TRMT44: variants seen among roughly 807,000 people sequenced by gnomAD.
The protein encoded by TRMT44 is probable tRNA (uracil-O(2)-)-methyltransferase.
A neutral mutation model predicts 77.3 loss-of-function variants in TRMT44; 78 were observed. The observed-to-expected ratio is 1.01, with a 90% CI of 0.84 to 1.22. TRMT44 has a LOEUF of 1.22. TRMT44 is among the 50% of genes most tolerant of loss of function. The probability of loss-of-function intolerance (pLI) is 0.00; values close to 1 mark genes in which losing one functional copy is unlikely to be tolerated. For missense variants in TRMT44, 1,090 were observed against 964.4 expected (o/e 1.13, Z -1.73); for synonymous variants, 391 against 383.3 (o/e 1.02, Z -0.23).
intron 9 of TRMT44, 88 bp from the exon 10 acceptor site, chr4:8,470,996 G>A: frequency 1.1e-6 from 1 of 889,160 alleles, no homozygotes; most frequent in East Asian, 2.5e-5. Flanking sequence ...TGAGTGTATG[G>A]AACTGAAATG....
chr4:8,489,055 C>T (rs1003895220), intron 2 of TRMT44, among the ~76,000 whole-genome samples: 3 of 152,344 alleles, frequency 2.0e-5, no homozygotes, highest in South Asian at 4.1e-4. Flanking sequence ...TAGCACCACC[C>T]ACAAGTAAGA....
At chr4:8,472,505 G>T (rs998195512) in intron 10 of TRMT44, among the ~76,000 whole-genome samples, 1 of 152,182 alleles carries the variant, frequency 6.6e-6, no homozygotes, top group Non-Finnish European at 1.5e-5. Flanking sequence ...TGGCTCTCTG[G>T]GTGTGTGAGA....
Position 8,440,831 on chromosome 4 carries a change from G to A in TRMT44, c.9G>A (p.Glu3=). Residue 3 remains glutamate (E), a synonymous_variant, in exon 1 of 11, where the codon GAG becomes GAA. Transcript: ENST00000389737. Reference sequence around the variant, plus strand: ...TACACCTGCTGGCTGCCATGGCTGAGGTGGGCCGTACCGGGATCAGCTACC... The same window carrying A: ...TACACCTGCTGGCTGCCATGGCTGAAGTGGGCCGTACCGGGATCAGCTACC... MA[E]VGRTGISYPG... is the part of the protein sequence containing the mutation. 3 of 1,485,556 alleles carry A rather than the reference G, an allele frequency of 2.0e-6. No homozygotes were observed. The highest frequency in any genetic ancestry group is 2.6e-5 in the South Asian group (2 of 77,496). The allele number at this position is 1,485,556 out of a possible 1,614,324, so 92.0% of individuals were successfully genotyped here.
At chr4:8,468,902 G>A (rs541830769) in intron 9 of TRMT44, among the ~76,000 whole-genome samples, 13 of 152,328 alleles carry the variant, frequency 8.5e-5, no homozygotes, top group African/African-American at 2.6e-4. Context: ...TAAGGACCTC[G>A]CCTCCTTCCG....
chr4:8,514,153 A>G, the TRMT44 span, among the ~76,000 whole-genome samples: 1 of 151,802 alleles, frequency 6.6e-6, no homozygotes, highest in Admixed American at 6.6e-5. Context: ...AGCTTAGGTG[A>G]GCAGGGAAGA....
In TRMT44 at chr4:8,452,949, G is replaced by A; in HGVS notation, c.1091G>A (p.Cys364Tyr). The stretch of plus-strand genomic sequence containing the variant: ...AGGCAGTCCTTTGTGGACCTGGGAT[G>A]TGGAAATGGCCTCCTGGTCCACATC... ...TARQSFVDLG[C>Y]GNGLLVHILS... Residue 364 changes from cysteine (C) to tyrosine (Y), a missense_variant, in exon 5 of 11, where the codon TGT becomes TAT. Coordinates refer to ENST00000389737, the MANE Select transcript of TRMT44 (RefSeq NM_152544.3). The surrounding 1 kb of genome is among the most constrained non-coding windows in gnomAD (Gnocchi z 5.7). 6.5e-7 allele frequency: 1 copy of A among 1,533,198 alleles called. No homozygotes were observed. Among genetic ancestry groups the A allele is most frequent in the Non-Finnish European group, 8.7e-7 (1 of 1,145,558 alleles). The allele number at this position is 1,533,198 out of a possible 1,614,324, so 95.0% of individuals were successfully genotyped here. A position where few individuals can be genotyped will look rare whatever the true frequency, so the allele number is the denominator to read the frequency against.
the TRMT44 span, among the ~76,000 whole-genome samples, chr4:8,505,799 G>C: frequency 6.6e-6 from 1 of 152,140 alleles, no homozygotes; most frequent in South Asian, 2.1e-4. Flanking sequence ...GGATCACAGG[G>C]GCGGTTTCCC....
In TRMT44 at chr4:8,475,686, C is replaced by T. The variant is rs116104468; in HGVS notation, c.2045-86C>T. On this transcript the variant is annotated intron_variant, in intron 10 of 10. Coordinates refer to ENST00000389737, the MANE Select transcript of TRMT44 (RefSeq NM_152544.3). ...TCCCTGACCCTGGATTGGCACCTCCCGTGGCGTGGGAGCTAAAGAGAGGCT... is the reference window on the plus strand; with the variant it reads ...TCCCTGACCCTGGATTGGCACCTCCTGTGGCGTGGGAGCTAAAGAGAGGCT... 6.4e-4 allele frequency: 840 copies of T among 1,303,246 alleles called. 6 individuals are homozygous for T. The African/African-American group carries it at 8.9e-3, about 14-fold the overall frequency. 80.7% of individuals were successfully genotyped at this position (1,303,246 alleles called of 1,614,324 possible). A position where few individuals can be genotyped will look rare whatever the true frequency, so the allele number is the denominator to read the frequency against.
chr4:8,440,865 C>A lies in TRMT44; in HGVS notation c.43C>A (p.Leu15Ile). The A allele has an allele frequency of 6.6e-7, 1 of 1,520,202 alleles. No individual in the cohort carries two copies. The highest frequency in any genetic ancestry group is 8.8e-7 in the Non-Finnish European group (1 of 1,140,520). 94.2% of individuals were successfully genotyped at this position (1,520,202 alleles called of 1,614,324 possible). ...TACCGGGATCAGCTACCCAGGCGCG[C>A]TTCTCCCACAGGGCTTCTGGGCTGC... ...GRTGISYPGALLPQGFWAAVE... is the reference protein window; with the variant it reads ...GRTGISYPGAILPQGFWAAVE... The change falls in exon 1 of 11, where the codon CTT becomes ATT. Residue 15 changes from leucine to isoleucine, a missense_variant. By Grantham distance (5) the Leu-to-Ile change is conservative. Transcript: ENST00000389737.
chr4:8,478,943 C>T (rs953420051), downstream of TRMT44: 6 of 152,240 alleles, frequency 3.9e-5, no homozygotes, highest in African/African-American at 1.2e-4. Context: ...ACCGCAGCCC[C>T]TTGGACTGGT....
chr4:8,504,610 C>T, the TRMT44 span, among the ~76,000 whole-genome samples: 1 of 152,152 alleles, frequency 6.6e-6, no homozygotes, highest in Non-Finnish European at 1.5e-5. The surrounding 1 kb of genome is among the most constrained non-coding windows in gnomAD (Gnocchi z 5.3). Context: ...TCTGTATCCA[C>T]CTTCAATAGC....
rs148327085 is a variant in TRMT44 at position 8,451,582 on chromosome 4, T to A, written c.955-378T>A. Among the ~76,000 whole-genome samples, 43 of 152,274 alleles carry A rather than the reference T, an allele frequency of 2.8e-4. No individual in the cohort carries two copies. Among genetic ancestry groups the A allele is most frequent in the African/African-American group, 8.7e-4 (36 of 41,560 alleles). ...GGGGCTGGAGCACTGGTCTCCTAGT[T>A]TGTGGCTCGCGGCTCTCCCTGCCCT... On this transcript the variant is annotated intron_variant, in intron 3 of 10. Coordinates refer to ENST00000389737, the MANE Select transcript of TRMT44 (RefSeq NM_152544.3). The surrounding 1 kb of genome is among the most constrained non-coding windows in gnomAD (Gnocchi z 4.1).
chr4:8,505,848 G>A, the TRMT44 span, among the ~76,000 whole-genome samples: 1 of 152,170 alleles, frequency 6.6e-6, no homozygotes, highest in Admixed American at 6.5e-5. Context: ...TTCTCATGAG[G>A]TTTGATGGTT....
In TRMT44 at chr4:8,467,948, C is replaced by T; in HGVS notation, c.1529C>T (p.Ser510Phe). 2 of 1,613,128 alleles carry T rather than the reference C, an allele frequency of 1.2e-6. No individual in the cohort carries two copies. The highest frequency in any genetic ancestry group is 1.1e-5 in the South Asian group (1 of 91,058). ...GTTGGAAAATCCAGAACATACCCTT[C>T]CTCCAGAGAAGCTTCCGTGGATGAA... is the stretch of plus-strand genomic sequence containing the variant. ...CLVGKSRTYP[S>F]SREASVDEKR... The change falls in exon 9 of 11, where the codon TCC becomes TTC. Residue 510 changes from serine to phenylalanine, a missense_variant. Physicochemically the swap from Ser to Phe is radical, Grantham distance 155. Transcript: ENST00000389737.
rs1189349179 is a variant in TRMT44, at chr4:8,452,111, C to T, written c.1023+83C>T. 1.6e-6 allele frequency: 2 copies of T among 1,275,370 alleles called. No individual in the cohort carries two copies. Among genetic ancestry groups the T allele is most frequent in the Non-Finnish European group, 2.2e-6 (2 of 911,310 alleles). The allele number at this position is 1,275,370 out of a possible 1,614,324, so 79.0% of individuals were successfully genotyped here. ...TGTTCCCTGTAGTGAAGGACATTTT[C>T]CAAATCCATAACTGCCGGTGCTCAC... On this transcript the variant is annotated intron_variant, in intron 4 of 10. Transcript: ENST00000389737. The surrounding 1 kb of genome is among the most constrained non-coding windows in gnomAD (Gnocchi z 5.7).
chr4:8,513,386 C>A, the TRMT44 span, among the ~76,000 whole-genome samples: 4 of 152,276 alleles, frequency 2.6e-5, no homozygotes, highest in African/African-American at 9.6e-5. Flanking sequence ...AAAGACTGGC[C>A]CCCATAATTC....
rs781477347 is a variant in TRMT44 at position 8,464,026 on chromosome 4, T to G, written c.1245T>G (p.Asp415Glu). 6.2e-7 allele frequency: 1 copy of G among 1,614,166 alleles called. No individual in the cohort carries two copies. The highest frequency in any genetic ancestry group is 1.1e-5 in the South Asian group (1 of 91,066). ...ITPNDKTLFP[D>E]VDWLIGNHSD... ...CCAATGATAAGACCCTTTTCCCTGA[T>G]GTTGATTGGTTAATCGGTAACCATT... is the stretch of plus-strand genomic sequence containing the variant. The change falls in exon 7 of 11, where the codon GAT becomes GAG. Residue 415 changes from aspartate (D) to glutamate (E), a missense_variant. Transcript: ENST00000389737.
chr4:8,490,461 G>A (rs1213845080), intron 2 of TRMT44, among the ~76,000 whole-genome samples: 1 of 151,644 alleles, frequency 6.6e-6, no homozygotes, highest in African/African-American at 2.4e-5. Flanking sequence ...AGCTCTTAAG[G>A]CAGCGCGTCT....
intron 2 of TRMT44, among the ~76,000 whole-genome samples, chr4:8,491,469 C>T (rs112082034): frequency 0.025 from 3,749 of 152,290 alleles, 149 homozygotes; most frequent in African/African-American, 0.085. Flanking sequence ...GGGTGGTGCT[C>T]GTCGGGGAGG....
Sources: gnomAD v4.1 joint callset for allele counts (sites outside exome capture counted in the v4.1 genomes callset) on GRCh38, gnomAD v4.1.1 for gene constraint, Gnocchi (gnomAD v3.1) non-coding constraint, MANE v1.5 for transcripts, NCBI Gene and HGNC (gene_info 2026-07-23, HGNC 2026-07-21) for gene names.